Variants in FANCA observed in about 807,000 individuals in gnomAD.
FANCA encodes the protein Fanconi anemia group A protein.
Under a neutral mutation model 194.3 loss-of-function variants are expected in FANCA, and 236 were observed. That is an observed-to-expected ratio of 1.21 (90% CI 1.09 to 1.35). The LOEUF is 1.35. Ranked by LOEUF, FANCA falls within the 40% of genes most tolerant of loss-of-function variation. The pLI is 0.00. For synonymous variants in FANCA, 1,014 were observed against 715.8 expected (o/e 1.42, Z -6.65); for missense variants, 2,628 against 1,813.9 (o/e 1.45, Z -8.15).
rs1001068228 is a variant in FANCA at position 89,812,332 on chromosome 16, C to A, written c.284-1261G>T. On this transcript the variant is annotated intron_variant, in intron 3 of 42. Transcript: ENST00000389301. ...CAGTCTGGGCGACAGAGCCAGACTTCATCTCAAAAAAACAAAACAAAAAAA... is the reference window on the plus strand; with the variant it reads ...CAGTCTGGGCGACAGAGCCAGACTTAATCTCAAAAAAACAAAACAAAAAAA... Among the ~76,000 whole-genome samples, 90 of 149,248 alleles carry A rather than the reference C, an allele frequency of 6.0e-4. 1 individual carries two copies. The highest frequency in any genetic ancestry group is 1.9e-4 in the Non-Finnish European group (13 of 67,450).
chr16:89,770,479 A>C, intron 24 of FANCA, 85 bp downstream of exon 24: 9 of 1,310,864 alleles, frequency 6.9e-6, no homozygotes, highest in Non-Finnish European at 9.7e-6. Flanking sequence ...AGACGAGCTC[A>C]TGAGTCCCTG....
At position 89,775,623 on chromosome 16, in the gene FANCA, G is replaced by A. The variant is rs1051777198; in HGVS notation, c.1900+119C>T. 14 of 796,184 alleles carry A rather than the reference G, an allele frequency of 1.8e-5. 1 individual carries two copies. Among genetic ancestry groups the A allele is most frequent in the African/African-American group, 6.9e-5 (4 of 58,230 alleles). 49.3% of individuals were successfully genotyped at this position (796,184 alleles called of 1,614,324 possible). A position where few individuals can be genotyped will look rare whatever the true frequency, so the allele number is the denominator to read the frequency against. ...GGGCGGACCCTGTACCCAAAGCACCGGCTTGAGCTGGCACAGCCACCCCCG... is the reference window on the plus strand; with the variant it reads ...GGGCGGACCCTGTACCCAAAGCACCAGCTTGAGCTGGCACAGCCACCCCCG... On this transcript the variant is annotated intron_variant, in intron 21 of 42. Coordinates refer to ENST00000389301, the MANE Select transcript of FANCA (RefSeq NM_000135.4).
chr16:89,740,854 G>A lies in FANCA; in HGVS notation c.3778C>T (p.Leu1260Phe), dbSNP rs1191030919. 1 of 1,613,096 alleles carries A rather than the reference G, an allele frequency of 6.2e-7. No individual in the cohort carries two copies. The highest frequency in any genetic ancestry group is 8.5e-7 in the Non-Finnish European group (1 of 1,179,482). The change falls in exon 38 of 43, where the codon CTT (leucine) becomes TTT (phenylalanine). Residue 1260 changes from leucine (L) to phenylalanine (F), a missense_variant. Physicochemically the swap from Leu to Phe is conservative, Grantham distance 22. Transcript: ENST00000389301. ...DCEREELLVF[L>F]FFFSLMGLLS... ...AGGCCCATCAAGGAGAAGAAGAAAA[G>A]GAAAACCAATAGCTGTAAATAAAAA...
chr16:89,802,559 G>A (rs1260774725), intron 8 of FANCA, among the ~76,000 whole-genome samples: 3 of 152,084 alleles, frequency 2.0e-5, no homozygotes, highest in South Asian at 2.1e-4. Flanking sequence ...CTGCCACCAG[G>A]CCCGGCTAAT....
chr16:89,739,888 AC>A (rs759003764), intron 39 of FANCA, 105 bp downstream of exon 39: 1 of 1,566,000 alleles, frequency 6.4e-7, no homozygotes, highest in Non-Finnish European at 8.6e-7. Flanking sequence ...GAGCTTATAA[AC>A]TTACTTAGCA....
rs1003167988 is a variant in FANCA, at chr16:89,791,568, G to A, written c.1226-32C>T. 5 of 1,612,988 alleles carry A rather than the reference G, an allele frequency of 3.1e-6. No individual in the cohort carries two copies. In the Admixed American group the frequency reaches 8.3e-5, roughly 27 times the overall value. ...AAGAACCATGACATAGTCACAGCAA[G>A]GCAAGGGCAGCCAGCAGGAACATGA... On this transcript the variant is annotated intron_variant, in intron 13 of 42. Coordinates refer to ENST00000389301, the MANE Select transcript of FANCA (RefSeq NM_000135.4).
chr16:89,810,105 G>A (rs1459131752), intron 5 of FANCA, among the ~76,000 whole-genome samples: 16 of 151,974 alleles, frequency 1.1e-4, no homozygotes, highest in African/African-American at 2.9e-4. Flanking sequence ...GGCAGATCAC[G>A]AGGTCAGGAG....
intron 36 of FANCA, among the ~76,000 whole-genome samples, chr16:89,744,269 C>T (rs1217263898): frequency 6.6e-6 from 1 of 152,178 alleles, no homozygotes; most frequent in East Asian, 1.9e-4. Flanking sequence ...TGATTCAAAA[C>T]TAGTCACAAA....
At chr16:89,815,519 C>A (rs17225719) in intron 2 of FANCA, among the ~76,000 whole-genome samples, 1 of 151,742 alleles carries the variant, frequency 6.6e-6, no homozygotes, top group African/African-American at 2.4e-5. Context: ...CCACACCCAG[C>A]TAATTTTTGT....
chr16:89,784,911 G>C lies in FANCA; in HGVS notation c.1413C>G (p.Val471=), dbSNP rs201561753. The change falls in exon 15 of 43, where the codon GTC becomes GTG. Residue 471 remains valine (V), a synonymous_variant. Coordinates refer to ENST00000389301, the MANE Select transcript of FANCA (RefSeq NM_000135.4). ...GYHGCSKKAL[V]FLFTFLSELV... is the part of the protein sequence containing the mutation. ...GTTCTGACAAGAACGTAAACAGGAA[G>C]ACCAGGGCCTTCTTGCTGCAGCCAT... The C allele has an allele frequency of 6.2e-7, 1 of 1,614,194 alleles. No homozygotes were observed. The highest frequency in any genetic ancestry group is 1.7e-5 in the Admixed American group (1 of 60,010).
intron 36 of FANCA, among the ~76,000 whole-genome samples, 186 bp from the exon 37 acceptor site, chr16:89,743,124 G>A (rs768468893): frequency 6.6e-6 from 1 of 152,234 alleles, no homozygotes; most frequent in Non-Finnish European, 1.5e-5. Context: ...GTGGGCAGGT[G>A]CTGGTGCTGC....
At chr16:89,742,659 A>AC in intron 37 of FANCA, 141 bp downstream of exon 37, 1 of 738,668 alleles carries the variant, frequency 1.4e-6, no homozygotes, top group Non-Finnish European at 2.0e-6. Flanking sequence ...AATACAAAAA[A>AC]AAAAAAAAAA....
intron 18 of FANCA, among the ~76,000 whole-genome samples, chr16:89,779,223 G>C (rs1598128023): frequency 6.6e-6 from 1 of 152,128 alleles, no homozygotes; most frequent in African/African-American, 2.4e-5. Flanking sequence ...CATTCGGCCT[G>C]CTCCCTGGGC....
At chr16:89,778,657 A>AAAT in intron 20 of FANCA, 144 bp downstream of exon 20, 1 of 579,108 alleles carries the variant, frequency 1.7e-6, no homozygotes, top group Non-Finnish European at 2.9e-6. Flanking sequence ...AAAAAAAAAA[A>AAAT]GTAACCAACC....
chr16:89,740,969 G>C (rs563740688), intron 37 of FANCA, 103 bp from the exon 38 acceptor site: 9 of 1,053,212 alleles, frequency 8.5e-6, no homozygotes, highest in African/African-American at 1.6e-5. Flanking sequence ...TTTACATCTA[G>C]GCCATAAATC....
intron 29 of FANCA, among the ~76,000 whole-genome samples, chr16:89,761,146 G>A (rs886867206): frequency 1.3e-5 from 2 of 152,166 alleles, no homozygotes; most frequent in Non-Finnish European, 2.9e-5. Context: ...CTGGCCAGGC[G>A]CGGTGGCTCA....
At chr16:89,759,419 C>T (rs1359440663) in intron 29 of FANCA, among the ~76,000 whole-genome samples, 2 of 150,274 alleles carry the variant, frequency 1.3e-5, no homozygotes, top group African/African-American at 2.4e-5. Context: ...GGTGAAGCAA[C>T]CTGCATCCAG....
chr16:89,812,665 A>AC (rs2040939913), intron 3 of FANCA, among the ~76,000 whole-genome samples: 1 of 150,554 alleles, frequency 6.6e-6, no homozygotes, highest in Non-Finnish European at 1.5e-5. Context: ...AAAAAAAAAA[A>AC]AAAAACTGTT....
intron 38 of FANCA, 45 bp from the exon 39 acceptor site, chr16:89,740,144 C>T (rs768115722): frequency 2.0e-6 from 3 of 1,488,952 alleles, no homozygotes; most frequent in Non-Finnish European, 2.8e-6. Flanking sequence ...CGACCTGGTG[C>T]TCCCATGGGT....
Sources: gnomAD v4.1 joint callset for allele counts (sites outside exome capture counted in the v4.1 genomes callset) on GRCh38, gnomAD v4.1.1 for gene constraint, MANE v1.5 for transcripts, NCBI Gene and HGNC (gene_info 2026-07-23, HGNC 2026-07-21) for gene names.